CNBD1: variants seen among roughly 807,000 people sequenced by gnomAD.
The protein encoded by CNBD1 is cyclic nucleotide-binding domain-containing protein 1.
CNBD1 carries 71 observed loss-of-function variants against 54.4 expected under a neutral mutation model. The observed-to-expected ratio is 1.30, with a 90% CI of 1.08 to 1.59. CNBD1 has a LOEUF of 1.59. Ranked by LOEUF, CNBD1 falls within the 40% of genes most tolerant of loss-of-function variation. The pLI is 0.00. For synonymous variants in CNBD1, 182 were observed against 170.7 expected (o/e 1.07, Z -0.51); for missense variants, 659 against 518.0 (o/e 1.27, Z -2.64).
At chr8:86,876,477 G>A (rs182921894) in intron 1 of CNBD1, among the ~76,000 whole-genome samples, 42 of 151,648 alleles carry the variant, frequency 2.8e-4, no homozygotes, top group Admixed American at 2.7e-3. Context: ...GTTTAGATAT[G>A]CCTGTGGTTT....
At chr8:87,403,938 A>G (rs1441851640) in intron 2 of CNBD1, among the ~76,000 whole-genome samples, 1 of 152,088 alleles carries the variant, frequency 6.6e-6, no homozygotes, top group Non-Finnish European at 1.5e-5. Flanking sequence ...AAATAGTGCT[A>G]TCTGAACAGT....
downstream of CNBD1, among the ~76,000 whole-genome samples, chr8:87,386,151 C>A (rs1299791042): frequency 6.6e-6 from 1 of 152,048 alleles, no homozygotes; most frequent in East Asian, 1.9e-4. Context: ...GATAAAATCA[C>A]AAAGTTGGGG....
At chr8:87,369,228 A>C (rs768087301) in intron 10 of CNBD1, among the ~76,000 whole-genome samples, 47 of 152,002 alleles carry the variant, frequency 3.1e-4, no homozygotes, top group African/African-American at 1.1e-3. Flanking sequence ...ACTAGGATTC[A>C]TTACATTGAT....
intron 8 of CNBD1, among the ~76,000 whole-genome samples, chr8:87,327,091 G>A (rs1198466753): frequency 1.2e-4 from 18 of 148,028 alleles, no homozygotes; most frequent in African/African-American, 2.5e-4. Flanking sequence ...CCCCTGCTGG[G>A]GGGTGCCTCC....
intron 4 of CNBD1, among the ~76,000 whole-genome samples, chr8:87,126,841 A>G (rs145966127): frequency 7.2e-5 from 11 of 151,974 alleles, no homozygotes; most frequent in Non-Finnish European, 2.9e-5. Context: ...GTTGAAGTTT[A>G]TTATTTTGTA....
At chr8:86,925,750 A>C (rs1469526760) in intron 3 of CNBD1, among the ~76,000 whole-genome samples, 1 of 138,978 alleles carries the variant, frequency 7.2e-6, no homozygotes, top group African/African-American at 2.6e-5. Flanking sequence ...AAAAAAAAAG[A>C]ATTAGCCAGG....
chr8:87,316,130 T>C (rs1261986577), intron 8 of CNBD1, among the ~76,000 whole-genome samples: 1 of 152,004 alleles, frequency 6.6e-6, no homozygotes, highest in Non-Finnish European at 1.5e-5. Context: ...GTATTCTACA[T>C]GGCAAAAGGT....
At chr8:87,119,623 TAGGAGTGGTGA>T (rs1398757673) in intron 4 of CNBD1, among the ~76,000 whole-genome samples, 1 of 152,118 alleles carries the variant, frequency 6.6e-6, no homozygotes, top group Non-Finnish European at 1.5e-5. Context: ...TTACGTCGAA[TAGGAGTGGTGA>T]AGGTGGACAT....
chr8:87,261,314 G>T (rs1367830848), intron 6 of CNBD1, among the ~76,000 whole-genome samples: 1 of 152,028 alleles, frequency 6.6e-6, no homozygotes, highest in Non-Finnish European at 1.5e-5. Flanking sequence ...GGTCCTGCAG[G>T]TACCTTGCGG....
At chr8:87,426,414 T>G (rs1296432260) in intron 2 of CNBD1, among the ~76,000 whole-genome samples, 1 of 152,214 alleles carries the variant, frequency 6.6e-6, no homozygotes. Flanking sequence ...GTATAAAAAC[T>G]TGAATAATAA....
chr8:87,313,096 TG>T (rs1809303388), intron 8 of CNBD1, among the ~76,000 whole-genome samples: 2 of 152,038 alleles, frequency 1.3e-5, no homozygotes, highest in African/African-American at 4.8e-5. Flanking sequence ...CTCAGAAAGA[TG>T]GGCAAGGATT....
intron 6 of CNBD1, among the ~76,000 whole-genome samples, chr8:87,271,878 GAATA>G (rs1294380687): frequency 3.3e-5 from 5 of 151,496 alleles, no homozygotes; most frequent in Admixed American, 6.6e-5. Context: ...ATGGATGAAT[GAATA>G]AAGAAAATGT....
chr8:87,214,797 A>G (rs575482336), intron 5 of CNBD1, among the ~76,000 whole-genome samples: 2 of 152,260 alleles, frequency 1.3e-5, no homozygotes, highest in African/African-American at 2.4e-5. Context: ...AACCCCTTCT[A>G]AAACCGTCAG....
At position 87,357,185 on chromosome 8, in the gene CNBD1, G is replaced by A. The variant is rs145846068; in HGVS notation, c.1303+3399G>A. Among the ~76,000 whole-genome samples, 569 of 152,318 alleles carry A rather than the reference G, an allele frequency of 3.7e-3. 6 individuals are homozygous for A. The highest frequency in any genetic ancestry group is 0.013 in the African/African-American group (553 of 41,584). ...GGGGCCCCACAGAGAGCCTCTATAA[G>A]AGAAGTGCCAAAAGGAAATTTGGGA... On this transcript the variant is annotated intron_variant, in intron 10 of 10. Coordinates refer to ENST00000518476, the MANE Select transcript of CNBD1 (RefSeq NM_173538.3).
chr8:87,192,265 T>G (rs991587174), intron 4 of CNBD1, among the ~76,000 whole-genome samples: 2 of 152,188 alleles, frequency 1.3e-5, no homozygotes, highest in Admixed American at 6.5e-5. Flanking sequence ...TGTACTTTCT[T>G]CTTTTTCTAA....
At chr8:87,045,200 G>A (rs1160008735) in intron 4 of CNBD1, among the ~76,000 whole-genome samples, 1 of 152,116 alleles carries the variant, frequency 6.6e-6, no homozygotes, top group Non-Finnish European at 1.5e-5. Flanking sequence ...TAGCCTCTAG[G>A]TGAGAGGAAA....
At chr8:86,965,779 G>A (rs1456729506) in intron 4 of CNBD1, among the ~76,000 whole-genome samples, 8 of 152,124 alleles carry the variant, frequency 5.3e-5, no homozygotes, top group Non-Finnish European at 7.4e-5. Context: ...AGATGAAGAT[G>A]AGCTTTATTG....
intron 2 of CNBD1, among the ~76,000 whole-genome samples, chr8:87,428,213 C>G (rs981189462): frequency 6.6e-6 from 1 of 151,970 alleles, no homozygotes; most frequent in Non-Finnish European, 1.5e-5. Context: ...GTTTCAGCCT[C>G]TGTCATGGAA....
intron 4 of CNBD1, among the ~76,000 whole-genome samples, chr8:86,940,773 GA>G (rs1233844565): frequency 6.6e-6 from 1 of 152,082 alleles, no homozygotes; most frequent in South Asian, 2.1e-4. Context: ...AATGTTTTCA[GA>G]AAAAAATCAA....
Sources: gnomAD v4.1 joint callset for allele counts (sites outside exome capture counted in the v4.1 genomes callset) on GRCh38, gnomAD v4.1.1 for gene constraint, MANE v1.5 for transcripts, NCBI Gene and HGNC (gene_info 2026-07-23, HGNC 2026-07-21) for gene names.